MYH9: variants seen among roughly 807,000 people sequenced by gnomAD.
MYH9 encodes the protein myosin-9.
A neutral mutation model predicts 241.9 loss-of-function variants in MYH9; 29 were observed. The observed-to-expected ratio is 0.12, with a 90% confidence interval of 0.09 to 0.16. The LOEUF (loss-of-function observed/expected upper bound fraction) is 0.16. MYH9 is among the 10% of genes least tolerant of loss of function. The pLI is 1.00. For missense variants in MYH9, 1,803 were observed against 2,595.5 expected (o/e 0.69, Z 6.63); for synonymous variants, 1,047 against 1,062.6 (o/e 0.99, Z 0.29).
At chr22:36,297,054 G>C in intron 24 of MYH9, 40 bp from the exon 25 acceptor site, 1 of 1,605,990 alleles carries the variant, frequency 6.2e-7, no homozygotes, top group South Asian at 1.1e-5. Context: ...TCAGTGCCAT[G>C]GGTTCTGTCT....
chr22:36,282,557 G>A lies in MYH9; in HGVS notation c.*111C>T. 9.9e-7 allele frequency: 1 copy of A among 1,007,658 alleles called. No homozygotes were observed. Among genetic ancestry groups the A allele is most frequent in the Non-Finnish European group, 1.6e-6 (1 of 637,162 alleles). The allele number at this position is 1,007,658 out of a possible 1,614,324, so 62.4% of individuals were successfully genotyped here. A position where few individuals can be genotyped will look rare whatever the true frequency, so the allele number is the denominator to read the frequency against. The stretch of plus-strand genomic sequence containing the variant: ...GGGGACGGGGCGGAGGGCAGGAGGA[G>A]GCATGTTCACAGCAGTCCCAAGAAG... On this transcript the variant is annotated 3_prime_UTR_variant, in exon 41 of 41. Coordinates refer to ENST00000216181, the MANE Select transcript of MYH9 (RefSeq NM_002473.6).
At chr22:36,314,010 C>T (rs1250128858) in intron 13 of MYH9, 135 bp downstream of exon 13, 15 of 1,175,856 alleles carry the variant, frequency 1.3e-5, no homozygotes, top group Admixed American at 1.2e-4. Context: ...CTTGGGGCTT[C>T]ATCCTCCGGG....
chr22:36,298,781 C>A lies in MYH9; in HGVS notation c.3100+138G>T, dbSNP rs1603483014. ...TGGTGACCTCAGGTCTAAAGGGCAG[C>A]AGCCAGTGCTGTAGTGTGACCCAGG... On this transcript the variant is annotated intron_variant, in intron 24 of 40. Transcript: ENST00000216181. 7 of 1,321,762 alleles carry A rather than the reference C, an allele frequency of 5.3e-6. No homozygotes were observed. The East Asian group carries it at 1.4e-4, about 27-fold the overall frequency. 81.9% of individuals were successfully genotyped at this position (1,321,762 alleles called of 1,614,324 possible).
chr22:36,379,369 CG>C (rs1323205230), intron 1 of MYH9, among the ~76,000 whole-genome samples: 2 of 152,122 alleles, frequency 1.3e-5, no homozygotes, highest in African/African-American at 4.8e-5. Context: ...ATTAGCCGGG[CG>C]TGGTGGCGGG....
Position 36,284,509 on chromosome 22 carries a change from T to G in MYH9, c.5486A>C (p.Glu1829Ala). Residue 1829 changes from glutamate (E) to alanine (A), a missense_variant and splice_region_variant, in exon 39 of 41, where the codon GAG becomes GCG. This residue lies in a region of MYH9 where 876 missense variants were observed against 1,077.8 expected (regional missense o/e 0.81). Transcript: ENST00000216181. The stretch of plus-strand genomic sequence containing the variant: ...CACCTGTTTGCAGGCTGCCTGGCGC[T>G]CCCTGCATGACAGACAAGGTGGCTC... ...LEEQLDNETK[E>A]RQAACKQVRR... The G allele has an allele frequency of 6.2e-7, 1 of 1,612,172 alleles. No homozygotes were observed. The highest frequency in any genetic ancestry group is 8.5e-7 in the Non-Finnish European group (1 of 1,179,940).
intron 2 of MYH9, among the ~76,000 whole-genome samples, chr22:36,347,571 T>A (rs1275837148): frequency 6.6e-6 from 1 of 151,280 alleles, no homozygotes; most frequent in Non-Finnish European, 1.5e-5. Flanking sequence ...CTGTCTCTAA[T>A]AAAAATATTA....
intron 1 of MYH9, among the ~76,000 whole-genome samples, chr22:36,368,924 T>TG (rs1289674938): frequency 1.7e-3 from 60 of 35,966 alleles, no homozygotes; most frequent in African/African-American, 5.8e-3. Flanking sequence ...GGGGTGGGGG[T>TG]GGGGGGGCTC....
chr22:36,345,328 A>C (rs1027028855), intron 2 of MYH9, among the ~76,000 whole-genome samples: 1 of 151,828 alleles, frequency 6.6e-6, no homozygotes, highest in Non-Finnish European at 1.5e-5. Context: ...AAAAAAAAAA[A>C]AAAGTTCCCA....
At position 36,284,255 on chromosome 22, in the gene MYH9, G is replaced by A. The variant is rs991522602; in HGVS notation, c.5603C>T (p.Ala1868Val). Residue 1868 changes from alanine to valine, a missense_variant, in exon 40 of 41, where the codon GCA becomes GTA. Around this residue, in one of 11 missense-constraint regions of MYH9, gnomAD observed 876 missense variants for 1,077.8 expected, o/e 0.81. Coordinates refer to ENST00000216181, the MANE Select transcript of MYH9 (RefSeq NM_002473.6). ...AEQYKDQADK[A>V]STRLKQLKRQ... ...CTTGAGCTGCTTCAGGCGGGTAGAT[G>A]CCTTGTCGGCCTGCGGAGATGGACG... The A allele has an allele frequency of 1.9e-6, 3 of 1,610,386 alleles. No homozygotes were observed. Among genetic ancestry groups the A allele is most frequent in the Admixed American group, 3.3e-5 (2 of 59,812 alleles).
At chr22:36,346,234 G>A (rs1469324486) in intron 2 of MYH9, among the ~76,000 whole-genome samples, 1 of 152,078 alleles carries the variant, frequency 6.6e-6, no homozygotes, top group Non-Finnish European at 1.5e-5. Flanking sequence ...GATGAGCCAG[G>A]TTCATCCCCC....
At chr22:36,373,826 T>C (rs1049268189) in intron 1 of MYH9, among the ~76,000 whole-genome samples, 1 of 152,180 alleles carries the variant, frequency 6.6e-6, no homozygotes, top group Non-Finnish European at 1.5e-5. Context: ...TCAGTGGACA[T>C]AAGAGGGTCA....
Position 36,288,189 on chromosome 22 carries a change from C to A in MYH9, c.4932+63G>T. The A allele has an allele frequency of 6.2e-7, 1 of 1,603,090 alleles. No individual in the cohort carries two copies. Among genetic ancestry groups the A allele is most frequent in the Non-Finnish European group, 8.5e-7 (1 of 1,175,760 alleles). Reference sequence around the variant, plus strand: ...CCCGCCCTGGGCCGAGCCCTGGCACCTTCATATGTAGTTGGCTCAGTCGGG... The same window carrying A: ...CCCGCCCTGGGCCGAGCCCTGGCACATTCATATGTAGTTGGCTCAGTCGGG... On this transcript the variant is annotated intron_variant, in intron 34 of 40. Transcript: ENST00000216181. This position sits in a 1 kb window ranked among gnomAD's most constrained non-coding sequence, Gnocchi z 4.8.
intron 14 of MYH9, among the ~76,000 whole-genome samples, chr22:36,310,710 GC>G (rs1427970894): frequency 6.6e-6 from 1 of 152,224 alleles, no homozygotes; most frequent in Admixed American, 6.5e-5. Flanking sequence ...CCACAGCACA[GC>G]CCACGGAAAG....
intron 1 of MYH9, among the ~76,000 whole-genome samples, chr22:36,375,722 G>T (rs1365303488): frequency 2.0e-5 from 3 of 152,150 alleles, no homozygotes; most frequent in African/African-American, 4.8e-5. Flanking sequence ...CCATGTAAAA[G>T]CCCTAGCATG....
At chr22:36,376,828 C>T (rs959797743) in intron 1 of MYH9, among the ~76,000 whole-genome samples, 1 of 152,156 alleles carries the variant, frequency 6.6e-6, no homozygotes, top group African/African-American at 2.4e-5. Context: ...CTTTGGGAGG[C>T]CGAGGCAGGT....
rs768538586 is a variant in MYH9, at chr22:36,306,037, G to A, written c.2052C>T (p.Asp684=). The stretch of plus-strand genomic sequence containing the variant: ...GCAGCTGGTCCAGCACGAGATGCGG[G>A]TCCAGCTTGCCGGCCTGGAGAAGAA... ...PNHEKKAGKL[D]PHLVLDQLRC... The change falls in exon 17 of 41, where the codon GAC becomes GAT. Residue 684 remains aspartate (D), a synonymous_variant. Coordinates refer to ENST00000216181, the MANE Select transcript of MYH9 (RefSeq NM_002473.6). The surrounding 1 kb of genome is among the most constrained non-coding windows in gnomAD (Gnocchi z 4.1). 6.8e-6 allele frequency: 11 copies of A among 1,613,134 alleles called. No individual in the cohort carries two copies. The East Asian group carries it at 1.8e-4, about 26-fold the overall frequency.
chr22:36,289,346 G>A, intron 31 of MYH9, 49 bp from the exon 32 acceptor site: 2 of 1,546,132 alleles, frequency 1.3e-6, no homozygotes. Context: ...GCCCCCAGCA[G>A]GGCAGGGCAG....
rs1160537636 is a variant in MYH9, at chr22:36,285,067, G to A, written c.5483+54C>T. The stretch of plus-strand genomic sequence containing the variant: ...CCCAGATTTGGGCAGGACTGCAGGG[G>A]GGCCAGAGTTTTTTCCAGGACAGCT... On this transcript the variant is annotated intron_variant, in intron 38 of 40. Coordinates refer to ENST00000216181, the MANE Select transcript of MYH9 (RefSeq NM_002473.6). The surrounding 1 kb of genome is among the most constrained non-coding windows in gnomAD (Gnocchi z 7.0). 7.7e-6 allele frequency: 12 copies of A among 1,557,970 alleles called. No homozygotes were observed. Among genetic ancestry groups the A allele is most frequent in the South Asian group, 3.4e-5 (3 of 89,204 alleles).
At chr22:36,349,305 C>CTTGT in intron 1 of MYH9, 50 bp from the exon 2 acceptor site, 1 of 1,371,522 alleles carries the variant, frequency 7.3e-7, no homozygotes, top group Non-Finnish European at 1.0e-6. Flanking sequence ...ACGTCAGCCA[C>CTTGT]ACAAGATCAC....
Sources: allele counts gnomAD v4.1 joint callset (sites outside exome capture counted in the v4.1 genomes callset), GRCh38; gene constraint gnomAD v4.1.1; regional missense constraint gnomAD v4.1.1; non-coding constraint Gnocchi (gnomAD v3.1); transcripts MANE v1.5; gene names NCBI Gene and HGNC (gene_info 2026-07-23, HGNC 2026-07-21).